Variants in LRRC25 observed in about 807,000 individuals in gnomAD.
The protein encoded by LRRC25 is leucine rich repeat containing 25.
LRRC25 carries 5 observed loss-of-function variants against 18.8 expected under a neutral mutation model. The observed-to-expected ratio is 0.27, with a 90% CI of 0.14 to 0.56. The LOEUF is 0.56. LRRC25 is among the 20% of genes least tolerant of loss of function. The probability of loss-of-function intolerance (pLI) is 0.93; values close to 1 mark genes in which losing one functional copy is unlikely to be tolerated. For synonymous variants in LRRC25, 161 were observed against 176.8 expected, an observed-to-expected ratio of 0.91 and a Z score of 0.71; for missense variants, 341 against 389.8, an observed-to-expected ratio of 0.87 and a Z score of 1.05.
Position 18,391,927 on chromosome 19 carries a change from G to A in LRRC25, c.*60C>T, listed in dbSNP as rs145165065. On this transcript the variant is annotated 3_prime_UTR_variant, in exon 2 of 2. Coordinates refer to ENST00000339007, the MANE Select transcript of LRRC25 (RefSeq NM_145256.3). ...ACTGAGGCCATGGAGGCGTTAGGAC[G>A]CCCTGAGTCACCCAGCAGGGACTGA... 4.1e-3 allele frequency: 6,409 copies of A among 1,563,544 alleles called. 26 individuals are homozygous for A. Among genetic ancestry groups the A allele is most frequent in the Non-Finnish European group, 4.3e-3 (4,869 of 1,145,636 alleles).
In LRRC25 at chr19:18,396,236, T is replaced by C. The variant is rs1293707668; in HGVS notation, c.728A>G (p.Glu243Gly). ...TGCTGGCTGGCCCACAAACATGTTC[T>C]CATAGTCGGGAGTGGAGGGGCAGGA... is the stretch of plus-strand genomic sequence containing the variant. ...VPSCPSTPDYENMFVGQPAAE... is the reference protein window; with the variant it reads ...VPSCPSTPDYGNMFVGQPAAE... Residue 243 changes from glutamate to glycine, a missense_variant, in exon 1 of 2, where the codon GAG (glutamate) becomes GGG (glycine). Coordinates refer to ENST00000339007, the MANE Select transcript of LRRC25 (RefSeq NM_145256.3). 6.2e-7 allele frequency: 1 copy of C among 1,611,802 alleles called. No homozygotes were observed. Among genetic ancestry groups the C allele is most frequent in the Non-Finnish European group, 8.5e-7 (1 of 1,178,236 alleles).
chr19:18,392,553 G>C (rs2144620191), intron 1 of LRRC25, among the ~76,000 whole-genome samples: 1 of 152,202 alleles, frequency 6.6e-6, no homozygotes, highest in South Asian at 2.1e-4. Context: ...TTTACATATG[G>C]GGAAACTGGC....
intron 1 of LRRC25, among the ~76,000 whole-genome samples, chr19:18,395,370 C>CAA (rs11334806): frequency 4.7e-5 from 5 of 105,692 alleles, no homozygotes; most frequent in Non-Finnish European, 6.0e-5. Context: ...GACTCCATCT[C>CAA]AAAAAAAAAA....
chr19:18,397,507 G>T lies in LRRC25; in HGVS notation c.-544C>A, dbSNP rs1330203327. The T allele has an allele frequency of 6.4e-6, 1 of 155,928 alleles. No homozygotes were observed. Among genetic ancestry groups the T allele is most frequent in the Non-Finnish European group, 1.4e-5 (1 of 70,006 alleles). 9.7% of individuals were successfully genotyped at this position (155,928 alleles called of 1,614,324 possible). On this transcript the variant is annotated 5_prime_UTR_variant, in exon 1 of 2. Transcript: ENST00000339007. ...TCTGCGATGCTGGAAAAGCGACGGC[G>T]CCCAGAGGCTGCGTCCTGGCCCACC...
chr19:18,393,698 G>A (rs1368947129), intron 1 of LRRC25, among the ~76,000 whole-genome samples: 1 of 152,148 alleles, frequency 6.6e-6, no homozygotes, highest in Non-Finnish European at 1.5e-5. Context: ...CAACCCCTAA[G>A]TGGTTGTAGG....
rs749483586 is a variant in LRRC25 at position 18,391,996 on chromosome 19, G to A, written c.909C>T (p.Pro303=). 53 of 1,613,698 alleles carry A rather than the reference G, an allele frequency of 3.3e-5. No individual in the cohort carries two copies. The Admixed American group carries it at 6.7e-4, about 20-fold the overall frequency. The change falls in exon 2 of 2, where the codon CCC becomes CCT. Residue 303 remains proline (P), a synonymous_variant. Transcript: ENST00000339007. The part of the protein sequence containing the change: ...APMDEEEYVI[P]GH Reference sequence around the variant, plus strand: ...TTAGGACATCTTAGGCTCAGTGCCCGGGGATCACGTACTCCTCTTCATCCA... The same window carrying A: ...TTAGGACATCTTAGGCTCAGTGCCCAGGGATCACGTACTCCTCTTCATCCA...
intron 1 of LRRC25, among the ~76,000 whole-genome samples, chr19:18,395,875 C>T (rs1971961739): frequency 6.6e-6 from 1 of 152,128 alleles, no homozygotes; most frequent in African/African-American, 2.4e-5. Flanking sequence ...CGCCCGCCAC[C>T]ACACCTGGCT....
rs1971909465 is a variant in LRRC25, at chr19:18,392,135, CA to C, written c.780-11del. On this transcript the variant is annotated splice_polypyrimidine_tract_variant and intron_variant, in intron 1 of 1. Transcript: ENST00000339007. ...CTCTGAAGGGTGAGCCCTGGGGGGACAGACAGACCAGGGGTAAGTGTGGGAG... is the reference window on the plus strand; with the variant it reads ...CTCTGAAGGGTGAGCCCTGGGGGGACGACAGACCAGGGGTAAGTGTGGGAG... 3 of 1,612,848 alleles carry C rather than the reference CA, an allele frequency of 1.9e-6. No homozygotes were observed. In the South Asian group the frequency reaches 3.3e-5, roughly 18 times the overall value.
At chr19:18,395,984 G>T (rs1971963053) in intron 1 of LRRC25, among the ~76,000 whole-genome samples, 1 of 152,192 alleles carries the variant, frequency 6.6e-6, no homozygotes, top group Non-Finnish European at 1.5e-5. Context: ...GCCTCCCAAA[G>T]TGCTAGGATT....
chr19:18,396,947 G>C lies in LRRC25; in HGVS notation c.17C>G (p.Ala6Gly). 1 of 1,607,526 alleles carries C rather than the reference G, an allele frequency of 6.2e-7. No homozygotes were observed. Among genetic ancestry groups the C allele is most frequent in the African/African-American group, 1.3e-5 (1 of 74,980 alleles). Residue 6 changes from alanine to glycine, a missense_variant, in exon 1 of 2, where the codon GCA becomes GGA. Transcript: ENST00000339007. MGGTL[A>G]WTLLLPLLLR... Reference sequence around the variant, plus strand: ...CAGCAGCGGCAACAGCAGCGTCCATGCCAGGGTGCCCCCCATTCAAGCAAC... The same window carrying C: ...CAGCAGCGGCAACAGCAGCGTCCATCCCAGGGTGCCCCCCATTCAAGCAAC...
rs948205427 is a variant in LRRC25 at position 18,392,058 on chromosome 19, C to T, written c.847G>A (p.Val283Ile). Residue 283 changes from valine to isoleucine, a missense_variant, in exon 2 of 2, where the codon GTC becomes ATC. Val to Ile is a conservative substitution (Grantham distance 29). Coordinates refer to ENST00000339007, the MANE Select transcript of LRRC25 (RefSeq NM_145256.3). ...CCCAGTGACTGCAGGTTACAGTAGA[C>T]AGGCTGGGAAGCCAGGTCGATGTCC... ...YKDIDLASQP[V>I]YCNLQSLGQA... The T allele has an allele frequency of 1.2e-6, 2 of 1,614,064 alleles. No homozygotes were observed. The highest frequency in any genetic ancestry group is 1.3e-5 in the African/African-American group (1 of 74,936).
At position 18,396,302 on chromosome 19, in the gene LRRC25, T is replaced by C. The variant is rs1210863184; in HGVS notation, c.662A>G (p.Tyr221Cys). The change falls in exon 1 of 2, where the codon TAC becomes TGC. Residue 221 changes from tyrosine to cysteine, a missense_variant. By Grantham distance (194) the Tyr-to-Cys change is radical (BLOSUM62 -2). Coordinates refer to ENST00000339007, the MANE Select transcript of LRRC25 (RefSeq NM_145256.3). ...PKPGLGLQPR[Y>C]GSRSAPKPQV... ...GGGCTTGGGGGCGCTCCGGCTGCCG[T>C]ACCGTGGCTGCAAGCCTAAACCGGG... 6.2e-7 allele frequency: 1 copy of C among 1,613,806 alleles called. No homozygotes were observed. Among genetic ancestry groups the C allele is most frequent in the East Asian group, 2.2e-5 (1 of 44,888 alleles).
intron 1 of LRRC25, 72 bp downstream of exon 1, chr19:18,396,113 T>C: frequency 6.6e-7 from 1 of 1,519,110 alleles, no homozygotes; most frequent in East Asian, 2.3e-5. Flanking sequence ...GAGCTGGGAT[T>C]TGAACCTCGG....
Position 18,397,178 on chromosome 19 carries a change from C to A in LRRC25, c.-215G>T, listed in dbSNP as rs1002790671. 1 of 594,532 alleles carries A rather than the reference C, an allele frequency of 1.7e-6. No individual in the cohort carries two copies. The highest frequency in any genetic ancestry group is 3.0e-6 in the Non-Finnish European group (1 of 337,612). 36.8% of individuals were successfully genotyped at this position (594,532 alleles called of 1,614,324 possible). ...ATGGGTAGATAACCCCAGTGCTTAG[C>A]GGGCTTGGAAGGCGAGGAGGAGATC... On this transcript the variant is annotated 5_prime_UTR_variant, in exon 1 of 2. Transcript: ENST00000339007.
chr19:18,391,784 C>T lies in LRRC25; in HGVS notation c.*203G>A. The T allele has an allele frequency of 1.8e-6, 1 of 563,630 alleles. No homozygotes were observed. Among genetic ancestry groups the T allele is most frequent in the South Asian group, 2.1e-5 (1 of 47,286 alleles). The allele number at this position is 563,630 out of a possible 1,614,324, so 34.9% of individuals were successfully genotyped here. A position where few individuals can be genotyped will look rare whatever the true frequency, so the allele number is the denominator to read the frequency against. ...TGTCCCCTTGTTGGGGGTCTCTCCT[C>T]TTCCCCCTCTAGGAGCTGAGGGAGC... On this transcript the variant is annotated 3_prime_UTR_variant, in exon 2 of 2. Coordinates refer to ENST00000339007, the MANE Select transcript of LRRC25 (RefSeq NM_145256.3).
At position 18,396,435 on chromosome 19, in the gene LRRC25, GAA is replaced by G; in HGVS notation, c.527_528del (p.Leu176ProfsTer67). ...IGAVVVSGCL[L>X]LGLAIAGPVL... Reference sequence around the variant, plus strand: ...ACAGGGCCAGCGATGGCAAGTCCAAGAAGCAGGCACCCGCTGACCACCACTGC... The same window carrying G: ...ACAGGGCCAGCGATGGCAAGTCCAAGGCAGGCACCCGCTGACCACCACTGC... On this transcript the variant is annotated frameshift_variant, in exon 1 of 2. Coordinates refer to ENST00000339007, the MANE Select transcript of LRRC25 (RefSeq NM_145256.3). LOFTEE classifies it high-confidence loss of function. The G allele has an allele frequency of 6.2e-7, 1 of 1,613,482 alleles. No individual in the cohort carries two copies. Among genetic ancestry groups the G allele is most frequent in the Non-Finnish European group, 8.5e-7 (1 of 1,180,034 alleles).
chr19:18,392,385 G>A (rs996740813), intron 1 of LRRC25, among the ~76,000 whole-genome samples: 1 of 152,078 alleles, frequency 6.6e-6, no homozygotes, highest in Non-Finnish European at 1.5e-5. Flanking sequence ...CCAGCTACTC[G>A]GGAGTCTGAG....
rs768452379 is a variant in LRRC25 at position 18,396,817 on chromosome 19, G to A, written c.147C>T (p.Ser49=). 1.2e-6 allele frequency: 2 copies of A among 1,614,060 alleles called. No individual in the cohort carries two copies. The highest frequency in any genetic ancestry group is 1.7e-6 in the Non-Finnish European group (2 of 1,180,050). ...GAGACTGGTTGTGAGGCAGGCTCAG[G>A]CTGAGGCCACTGAAATTCAGGCACG... is the stretch of plus-strand genomic sequence containing the variant. ...SATCLNFSGL[S]LSLPHNQSLR... Residue 49 remains serine (S), a synonymous_variant, in exon 1 of 2, where the codon AGC becomes AGT. Coordinates refer to ENST00000339007, the MANE Select transcript of LRRC25 (RefSeq NM_145256.3).
Position 18,395,295 on chromosome 19 carries a change from C to T in LRRC25, c.779+890G>A, listed in dbSNP as rs568009280. Among the ~76,000 whole-genome samples, 44 of 150,394 alleles carry T rather than the reference C, an allele frequency of 2.9e-4. 1 individual carries two copies. The highest frequency in any genetic ancestry group is 8.7e-4 in the Admixed American group (13 of 14,972). On this transcript the variant is annotated intron_variant, in intron 1 of 1. Coordinates refer to ENST00000339007, the MANE Select transcript of LRRC25 (RefSeq NM_145256.3). ...CTGAGGCAGGAGAATGGCATGAACCCGGGAGGCGGAGCTGGCAGTGAGCCG... is the reference window on the plus strand; with the variant it reads ...CTGAGGCAGGAGAATGGCATGAACCTGGGAGGCGGAGCTGGCAGTGAGCCG...
Sources: allele counts gnomAD v4.1 joint callset (sites outside exome capture counted in the v4.1 genomes callset), GRCh38; gene constraint gnomAD v4.1.1; transcripts MANE v1.5; gene names NCBI Gene and HGNC (gene_info 2026-07-23, HGNC 2026-07-21).